EGFLAM: variants seen among roughly 807,000 people sequenced by gnomAD.
EGFLAM encodes pikachurin.
Under a neutral mutation model 113.1 loss-of-function variants are expected in EGFLAM, and 79 were observed. The ratio of observed to expected loss-of-function variants is 0.70; its 90% CI spans 0.58 to 0.84. EGFLAM has a LOEUF of 0.84. Ranked by LOEUF, EGFLAM falls within the 40% of genes least tolerant of loss-of-function variation. The pLI is 0.00. For missense variants in EGFLAM, 1,265 were observed against 1,291.6 expected (o/e 0.98, Z 0.32); for synonymous variants, 504 against 487.6 (o/e 1.03, Z -0.44).
At position 38,448,361 on chromosome 5, in the gene EGFLAM, A is replaced by G. The variant is rs1443985876; in HGVS notation, c.2525A>G (p.Asn842Ser). ...GGCCGCAGTTACCTGACGTATGACA[A>G]CCCAGATATCTTGAAGAGGTAATAA... Reference protein sequence around the residue: ...FIGRSYLTYDNPDILKRVSGS... With the variant: ...FIGRSYLTYDSPDILKRVSGS... The change falls in exon 18 of 22, where the codon AAC (asparagine) becomes AGC (serine). Residue 842 changes from asparagine (N) to serine (S), a missense_variant. Physicochemically the swap from Asn to Ser is conservative, Grantham distance 46. Transcript: ENST00000322350. 7.4e-6 allele frequency: 12 copies of G among 1,614,018 alleles called. No individual in the cohort carries two copies. The highest frequency in any genetic ancestry group is 1.0e-5 in the Non-Finnish European group (12 of 1,180,042).
intron 1 of EGFLAM, among the ~76,000 whole-genome samples, chr5:38,331,714 T>C (rs1361881606): frequency 6.6e-6 from 1 of 152,188 alleles, no homozygotes; most frequent in Non-Finnish European, 1.5e-5. Flanking sequence ...ATTCTAAGGC[T>C]AAGTGAAGGA....
In EGFLAM at chr5:38,329,665, T is replaced by G. The variant is rs539856030; in HGVS notation, c.98-7855T>G. On this transcript the variant is annotated intron_variant, in intron 1 of 21. Transcript: ENST00000322350. ...TGTATATTCGTGGTTCGTCCCCCAG[T>G]TCTTTGGGGAAGAGTATATGCTGCT... Among the ~76,000 whole-genome samples the G allele has an allele frequency of 3.3e-5, 5 of 152,320 alleles. No individual in the cohort carries two copies. In the South Asian group the frequency reaches 6.2e-4, roughly 19 times the overall value.
intron 6 of EGFLAM, among the ~76,000 whole-genome samples, chr5:38,391,025 T>A (rs577824544): frequency 6.6e-6 from 1 of 152,268 alleles, no homozygotes; most frequent in Non-Finnish European, 1.5e-5. Flanking sequence ...AAGTTTTTTC[T>A]TTTTGATTTA....
intron 13 of EGFLAM, 23 bp from the exon 14 acceptor site, chr5:38,426,986 T>G: frequency 6.2e-7 from 1 of 1,612,262 alleles, no homozygotes; most frequent in Non-Finnish European, 8.5e-7. Context: ...GAGGGATTTC[T>G]AACACCATGC....
At chr5:38,393,203 C>A (rs886197039) in intron 6 of EGFLAM, among the ~76,000 whole-genome samples, 1 of 152,160 alleles carries the variant, frequency 6.6e-6, no homozygotes, top group African/African-American at 2.4e-5. Flanking sequence ...GAACTGACAT[C>A]TTTATGATAT....
chr5:38,323,420 T>C (rs570901789), intron 1 of EGFLAM, among the ~76,000 whole-genome samples: 1 of 152,340 alleles, frequency 6.6e-6, no homozygotes, highest in African/African-American at 2.4e-5. Flanking sequence ...GCACCCTTTT[T>C]ATTTACTTAT....
chr5:38,258,787 C>A lies in EGFLAM; in HGVS notation c.33C>A (p.Leu11=). The change falls in exon 1 of 22, where the codon CTC becomes CTA. Residue 11 remains leucine (L), a synonymous_variant. Transcript: ENST00000322350. ...TAATCCGAGGCGTCTTGCTCCGGCT[C>A]CTGCTCCTGGCTTCCAGCCTCGGAC... The part of the protein sequence containing the change: MDLIRGVLLR[L]LLLASSLGPG... 6.2e-7 allele frequency: 1 copy of A among 1,612,430 alleles called. No homozygotes were observed. The highest frequency in any genetic ancestry group is 8.5e-7 in the Non-Finnish European group (1 of 1,179,544).
intron 1 of EGFLAM, among the ~76,000 whole-genome samples, chr5:38,269,952 A>C (rs532219293): frequency 5.9e-5 from 9 of 152,336 alleles, no homozygotes; most frequent in Admixed American, 3.9e-4. Context: ...CCATCAACCC[A>C]GCGGTGTTTC....
intron 11 of EGFLAM, among the ~76,000 whole-genome samples, chr5:38,416,015 G>A (rs1347503510): frequency 6.6e-6 from 1 of 151,954 alleles, no homozygotes; most frequent in African/African-American, 2.4e-5. Flanking sequence ...TACAATTCAA[G>A]ATGATATTTG....
At chr5:38,429,044 CA>C (rs1305343796) in intron 14 of EGFLAM, among the ~76,000 whole-genome samples, 5 of 152,182 alleles carry the variant, frequency 3.3e-5, no homozygotes, top group Admixed American at 3.3e-4. Context: ...ACTTCTTGCT[CA>C]ATTAAGACAA....
intron 1 of EGFLAM, among the ~76,000 whole-genome samples, chr5:38,286,561 T>C (rs964790748): frequency 6.6e-6 from 1 of 152,188 alleles, no homozygotes; most frequent in Non-Finnish European, 1.5e-5. Context: ...CTTGACTTAG[T>C]GGTCATGGTG....
intron 1 of EGFLAM, among the ~76,000 whole-genome samples, chr5:38,304,198 T>C (rs569582184): frequency 3.3e-5 from 5 of 151,682 alleles, no homozygotes; most frequent in Non-Finnish European, 5.9e-5. Flanking sequence ...AACCTTCAGA[T>C]TTACCCTTTG....
intron 6 of EGFLAM, chr5:38,403,752 C>A: frequency 6.4e-7 from 1 of 1,555,836 alleles, no homozygotes; most frequent in South Asian, 1.2e-5. Flanking sequence ...TTGCAGAAAG[C>A]AAAAATACAG....
In EGFLAM at chr5:38,438,460, G is replaced by A. The variant is rs780153586; in HGVS notation, c.2464+5G>A. 19 of 1,596,542 alleles carry A rather than the reference G, an allele frequency of 1.2e-5. No homozygotes were observed. The highest frequency in any genetic ancestry group is 4.5e-5 in the East Asian group (2 of 44,438). On this transcript the variant is annotated splice_donor_5th_base_variant and intron_variant, in intron 17 of 21. Transcript: ENST00000322350. ...AGGGGCTTCACTGCCAGAAAGGTAC[G>A]CTCAGGGGTCTGAGGCACAGCTCCC...
At chr5:38,417,143 G>T (rs1237374122) in intron 11 of EGFLAM, among the ~76,000 whole-genome samples, 1 of 152,016 alleles carries the variant, frequency 6.6e-6, no homozygotes, top group Non-Finnish European at 1.5e-5. Flanking sequence ...CACGAGGTCA[G>T]GAGTTTGAGA....
At chr5:38,401,867 G>A (rs3110992) in intron 6 of EGFLAM, 27,033 of 152,192 alleles carry the variant, frequency 0.18, 2,594 homozygotes, top group African/African-American at 0.23. Context: ...GGGCATTTAT[G>A]CTGATTGGAG....
At chr5:38,411,127 T>G (rs1020246504) in intron 10 of EGFLAM, among the ~76,000 whole-genome samples, 25 of 152,226 alleles carry the variant, frequency 1.6e-4, no homozygotes, top group African/African-American at 6.0e-4. Context: ...GATCATGTAC[T>G]TCCAGTCAAA....
intron 5 of EGFLAM, among the ~76,000 whole-genome samples, chr5:38,363,251 C>A (rs142692082): frequency 6.9e-4 from 105 of 152,264 alleles, no homozygotes; most frequent in African/African-American, 2.5e-3. Flanking sequence ...GGTTTCCTCT[C>A]ACCCCTGTTG....
At chr5:38,376,092 G>T (rs1020966604) in intron 6 of EGFLAM, among the ~76,000 whole-genome samples, 1 of 152,032 alleles carries the variant, frequency 6.6e-6, no homozygotes, top group Non-Finnish European at 1.5e-5. Flanking sequence ...AACACCAGCA[G>T]CATTATAGTT....
Sources: allele counts gnomAD v4.1 joint callset (sites outside exome capture counted in the v4.1 genomes callset), GRCh38; gene constraint gnomAD v4.1.1; transcripts MANE v1.5; gene names NCBI Gene and HGNC (gene_info 2026-07-23, HGNC 2026-07-21).